Variants in SLC25A5 observed in about 807,000 individuals in gnomAD.
SLC25A5 encodes solute carrier family 25 member 5, also known as ADP/ATP translocase 2.
A neutral mutation model predicts 16.5 loss-of-function variants in SLC25A5; 4 were observed. The ratio of observed to expected loss-of-function variants is 0.24; its 90% CI spans 0.12 to 0.56. SLC25A5 has a LOEUF of 0.56. Ranked by LOEUF, SLC25A5 falls within the 20% of genes least tolerant of loss-of-function variation. The probability of loss-of-function intolerance (pLI) is 0.93; values close to 1 mark genes in which losing one functional copy is unlikely to be tolerated. For missense variants in SLC25A5, 88 were observed against 248.0 expected (o/e 0.35, Z 4.33); for synonymous variants, 60 against 95.2 (o/e 0.63, Z 2.15).
rs749810085 is a variant in SLC25A5 at position 119,470,984 on chromosome X, T to G, written c.823T>G (p.Trp275Gly). 10 of 1,212,581 alleles carry G rather than the reference T, an allele frequency of 8.2e-6. No individual in the cohort carries two copies. The highest frequency in any genetic ancestry group is 8.9e-6 in the Non-Finnish European group (8 of 895,291). ...AGGCAAAGCTTTTTTCAAGGGTGCA[T>G]GGTCCAATGTTCTCAGAGGCATGGG... ...EGGKAFFKGA[W>G]SNVLRGMGGA... The change falls in exon 4 of 4, where the codon TGG becomes GGG. Residue 275 changes from tryptophan to glycine, a missense_variant. Transcript: ENST00000317881.
At chrX:119,470,234 A>C in intron 2 of SLC25A5, 87 bp downstream of exon 2, 2 of 1,134,095 alleles carry the variant, frequency 1.8e-6, no homozygotes, top group Non-Finnish European at 2.4e-6. Context: ...AGAGCTAAAG[A>C]GTTGTTTTTT....
In SLC25A5 at chrX:119,469,013, C is replaced by G. The variant is rs900232445; in HGVS notation, c.111+387C>G. On this transcript the variant is annotated intron_variant, in intron 1 of 3. Coordinates refer to ENST00000317881, the MANE Select transcript of SLC25A5 (RefSeq NM_001152.5). The stretch of plus-strand genomic sequence containing the variant: ...CCTCAAGGTCGCGGCAAGGAGATAA[C>G]TGCCCGGGGGAGGCCATGCGCCCGG... 7.2e-5 allele frequency: 10 copies of G among 138,785 alleles called. No homozygotes were observed. In the Admixed American group the frequency reaches 8.0e-4, roughly 11 times the overall value. 11.4% of individuals were successfully genotyped at this position (138,785 alleles called of 1,213,427 possible). A position where few individuals can be genotyped will look rare whatever the true frequency, so the allele number is the denominator to read the frequency against.
Position 119,468,500 on chromosome X carries a change from T to C in SLC25A5, c.-16T>C, listed in dbSNP as rs750889118. Reference sequence around the variant, plus strand: ...GGCCCAGTCCCGTCCTGCAGCAGTCTGCCTCCTCTTTCAACATGACAGATG... The same window carrying C: ...GGCCCAGTCCCGTCCTGCAGCAGTCCGCCTCCTCTTTCAACATGACAGATG... On this transcript the variant is annotated 5_prime_UTR_variant, in exon 1 of 4. Transcript: ENST00000317881. The C allele has an allele frequency of 1.0e-5, 12 of 1,190,681 alleles. No homozygotes were observed. The Admixed American group carries it at 1.3e-4, about 13-fold the overall frequency.
In SLC25A5 at chrX:119,470,916, C is replaced by T; in HGVS notation, c.755C>T (p.Thr252Ile). The change falls in exon 4 of 4, where the codon ACA (threonine) becomes ATA (isoleucine). Residue 252 changes from threonine (T) to isoleucine (I), a missense_variant. By Grantham distance (89) the Thr-to-Ile change is moderately conservative (BLOSUM62 -1). Transcript: ENST00000317881. ...SGRKGTDIMY[T>I]GTLDCWRKIA... Reference sequence around the variant, plus strand: ...TTCTTTGCAGCTGACATCATGTACACAGGCACGCTTGACTGCTGGCGGAAG... The same window carrying T: ...TTCTTTGCAGCTGACATCATGTACATAGGCACGCTTGACTGCTGGCGGAAG... The T allele has an allele frequency of 8.3e-7, 1 of 1,210,867 alleles. No homozygotes were observed. Among genetic ancestry groups the T allele is most frequent in the Non-Finnish European group, 1.1e-6 (1 of 894,850 alleles).
At position 119,471,112 on chromosome X, in the gene SLC25A5, T is replaced by A; in HGVS notation, c.*54T>A. On this transcript the variant is annotated 3_prime_UTR_variant, in exon 4 of 4. Transcript: ENST00000317881. ...AACAGGCATGTTGTATTATATAACA[T>A]ATCTTGAGCATTCTTGACAGACTCC... The A allele has an allele frequency of 1.9e-6, 2 of 1,065,981 alleles. No homozygotes were observed. The highest frequency in any genetic ancestry group is 2.5e-6 in the Non-Finnish European group (2 of 793,501). The allele number at this position is 1,065,981 out of a possible 1,213,427, so 87.8% of individuals were successfully genotyped here.
At chrX:119,469,500 G>GC (rs2052812762) in intron 1 of SLC25A5, 161 bp from the exon 2 acceptor site, 1 of 561,741 alleles carries the variant, frequency 1.8e-6, no homozygotes, top group Admixed American at 3.3e-5. Context: ...CCCTGTGACA[G>GC]CCTCAGAGGG....
chrX:119,468,476 G>T lies in SLC25A5; in HGVS notation c.-40G>T. 8.8e-7 allele frequency: 1 copy of T among 1,136,585 alleles called. No homozygotes were observed. Among genetic ancestry groups the T allele is most frequent in the Non-Finnish European group, 1.2e-6 (1 of 832,841 alleles). The allele number at this position is 1,136,585 out of a possible 1,213,427, so 93.7% of individuals were successfully genotyped here. A position where few individuals can be genotyped will look rare whatever the true frequency, so the allele number is the denominator to read the frequency against. On this transcript the variant is annotated 5_prime_UTR_variant, in exon 1 of 4. Transcript: ENST00000317881. The stretch of plus-strand genomic sequence containing the variant: ...GCGCCGGAGTCAAAGCCGGTTCCCG[G>T]CCCAGTCCCGTCCTGCAGCAGTCTG...
chrX:119,469,915 C>T lies in SLC25A5; in HGVS notation c.366C>T (p.Ala122=), dbSNP rs73600079. 4.0e-5 allele frequency: 48 copies of T among 1,212,057 alleles called. No individual in the cohort carries two copies. The highest frequency in any genetic ancestry group is 3.6e-4 in the African/African-American group (21 of 57,995). ...CAGGGAATCTGGCATCGGGTGGTGC[C>T]GCAGGGGCCACATCCCTGTGTTTTG... The part of the protein sequence containing the change: ...YFAGNLASGG[A]AGATSLCFVY... The change falls in exon 2 of 4, where the codon GCC becomes GCT. Residue 122 remains alanine (A), a synonymous_variant. Coordinates refer to ENST00000317881, the MANE Select transcript of SLC25A5 (RefSeq NM_001152.5).
intron 3 of SLC25A5, among the ~76,000 whole-genome samples, 184 bp from the exon 4 acceptor site, chrX:119,470,717 C>T (rs761174262): frequency 8.9e-6 from 1 of 112,115 alleles, no homozygotes; most frequent in East Asian, 2.8e-4. Flanking sequence ...GAGGTTAAGA[C>T]CAATGGGTAG....
At position 119,471,081 on chromosome X, in the gene SLC25A5, C is replaced by A. The variant is rs375584363; in HGVS notation, c.*23C>A. 464 of 1,185,318 alleles carry A rather than the reference C, an allele frequency of 3.9e-4. No homozygotes were observed. In the African/African-American group the frequency reaches 6.8e-3, roughly 17 times the overall value. On this transcript the variant is annotated 3_prime_UTR_variant, in exon 4 of 4. Transcript: ENST00000317881. ...TAAGTTATTTCCTAGGATTTTTCCCCCTGTGAACAGGCATGTTGTATTATA... is the reference window on the plus strand; with the variant it reads ...TAAGTTATTTCCTAGGATTTTTCCCACTGTGAACAGGCATGTTGTATTATA...
chrX:119,469,557 A>G, intron 1 of SLC25A5, 104 bp from the exon 2 acceptor site: 2 of 952,934 alleles, frequency 2.1e-6, no homozygotes. Context: ...GATTTGAGAG[A>G]GGGGAGCCTA....
In SLC25A5 at chrX:119,471,215, T is replaced by C. The variant is rs967187414; in HGVS notation, c.*157T>C. ...TAATATTCATCTGACCAGTTTTCTC[T>C]TAAAGCCATTTCCATGATGATGATG... On this transcript the variant is annotated 3_prime_UTR_variant, in exon 4 of 4. Coordinates refer to ENST00000317881, the MANE Select transcript of SLC25A5 (RefSeq NM_001152.5). The C allele has an allele frequency of 7.7e-5, 29 of 375,638 alleles. No individual in the cohort carries two copies. The highest frequency in any genetic ancestry group is 1.2e-4 in the Non-Finnish European group (27 of 229,976). 31.0% of individuals were successfully genotyped at this position (375,638 alleles called of 1,213,427 possible). A position where few individuals can be genotyped will look rare whatever the true frequency, so the allele number is the denominator to read the frequency against.
At position 119,470,036 on chromosome X, in the gene SLC25A5, A is replaced by C; in HGVS notation, c.487A>C (p.Lys163Gln). The stretch of plus-strand genomic sequence containing the variant: ...CCGAGGCCTCGGTGACTGCCTGGTT[A>C]AGATCTACAAATCTGATGGGATTAA... ...EFRGLGDCLV[K>Q]IYKSDGIKGL... The change falls in exon 2 of 4, where the codon AAG becomes CAG. Residue 163 changes from lysine to glutamine, a missense_variant. Lys to Gln is a moderately conservative substitution (Grantham distance 53). Coordinates refer to ENST00000317881, the MANE Select transcript of SLC25A5 (RefSeq NM_001152.5). 8.2e-7 allele frequency: 1 copy of C among 1,212,425 alleles called. No homozygotes were observed. The highest frequency in any genetic ancestry group is 1.1e-6 in the Non-Finnish European group (1 of 895,554).
chrX:119,470,171 G>GTT, intron 2 of SLC25A5, 24 bp downstream of exon 2: 1 of 1,162,513 alleles, frequency 8.6e-7, no homozygotes, highest in Non-Finnish European at 1.1e-6. Flanking sequence ...GGGCTTTAAC[G>GTT]TTGTGTTCTT....
chrX:119,471,309 T>C lies in SLC25A5; in HGVS notation c.*251T>C, dbSNP rs943976059. ...TAACAAATTTGGAGAAATAAAAATA[T>C]CTAAAATAAATTTTGTCTGCAGTAT... is the stretch of plus-strand genomic sequence containing the variant. On this transcript the variant is annotated 3_prime_UTR_variant, in exon 4 of 4. Transcript: ENST00000317881. 5 of 144,614 alleles carry C rather than the reference T, an allele frequency of 3.5e-5. No homozygotes were observed. The highest frequency in any genetic ancestry group is 1.6e-4 in the Admixed American group (1 of 6,384). The allele number at this position is 144,614 out of a possible 1,213,427, so 11.9% of individuals were successfully genotyped here. A position where few individuals can be genotyped will look rare whatever the true frequency, so the allele number is the denominator to read the frequency against.
At chrX:119,470,214 T>C in intron 2 of SLC25A5, 67 bp downstream of exon 2, 2 of 1,141,661 alleles carry the variant, frequency 1.8e-6, no homozygotes, top group Non-Finnish European at 2.3e-6. Context: ...TGTACCAACC[T>C]AACAGTCCAA....
In SLC25A5 at chrX:119,470,030, C is replaced by G. The variant is rs2052819639; in HGVS notation, c.481C>G (p.Leu161Val). The change falls in exon 2 of 4, where the codon CTG becomes GTG. Residue 161 changes from leucine to valine, a missense_variant. Transcript: ENST00000317881. Reference sequence around the variant, plus strand: ...GGAATTCCGAGGCCTCGGTGACTGCCTGGTTAAGATCTACAAATCTGATGG... The same window carrying G: ...GGAATTCCGAGGCCTCGGTGACTGCGTGGTTAAGATCTACAAATCTGATGG... Reference protein sequence around the residue: ...EREFRGLGDCLVKIYKSDGIK... With the variant: ...EREFRGLGDCVVKIYKSDGIK... 8.3e-7 allele frequency: 1 copy of G among 1,211,405 alleles called. No homozygotes were observed. Among genetic ancestry groups the G allele is most frequent in the African/African-American group, 1.7e-5 (1 of 57,710 alleles).
chrX:119,469,453 G>A (rs983013179), intron 1 of SLC25A5: 2 of 424,778 alleles, frequency 4.7e-6, no homozygotes, highest in African/African-American at 4.9e-5. Context: ...ACTCAGAGGG[G>A]TGGAGGCTTA....
chrX:119,469,713 T>C lies in SLC25A5; in HGVS notation c.164T>C (p.Ile55Thr), dbSNP rs372004834. ...GCAGATAAGCAATACAAAGGCATTA[T>C]AGACTGCGTGGTCCGTATTCCCAAG... is the stretch of plus-strand genomic sequence containing the variant. ...ITADKQYKGI[I>T]DCVVRIPKEQ... Residue 55 changes from isoleucine (I) to threonine (T), a missense_variant, in exon 2 of 4, where the codon ATA becomes ACA. Coordinates refer to ENST00000317881, the MANE Select transcript of SLC25A5 (RefSeq NM_001152.5). 62 of 1,211,581 alleles carry C rather than the reference T, an allele frequency of 5.1e-5. No homozygotes were observed. Among genetic ancestry groups the C allele is most frequent in the Non-Finnish European group, 6.8e-5 (61 of 895,097 alleles).
Sources: allele counts gnomAD v4.1 joint callset (sites outside exome capture counted in the v4.1 genomes callset), GRCh38; gene constraint gnomAD v4.1.1; transcripts MANE v1.5; gene names NCBI Gene and HGNC (gene_info 2026-07-23, HGNC 2026-07-21).